MIS18BP1: variants seen among roughly 807,000 people sequenced by gnomAD.
MIS18BP1 encodes MIS18 binding protein 1.
Under a neutral mutation model 116.1 loss-of-function variants are expected in MIS18BP1, and 72 were observed. The ratio of observed to expected loss-of-function variants is 0.62; its 90% CI spans 0.51 to 0.75. The LOEUF is 0.75. Among genes scored for constraint, MIS18BP1 ranks in the 30% least tolerant of loss-of-function variants. The probability of loss-of-function intolerance (pLI) is 0.00; values close to 1 mark genes in which losing one functional copy is unlikely to be tolerated. For missense variants in MIS18BP1, 1,363 were observed against 1,303.2 expected (o/e 1.05, Z -0.71); for synonymous variants, 386 against 427.0 (o/e 0.90, Z 1.18).
chr14:45,219,180 C>A (rs1890905509), intron 11 of MIS18BP1, among the ~76,000 whole-genome samples: 1 of 152,186 alleles, frequency 6.6e-6, no homozygotes, highest in African/African-American at 2.4e-5. Flanking sequence ...GTGATATTAA[C>A]AATGTCATTT....
rs377614528 is a variant in MIS18BP1 at position 45,214,782 on chromosome 14, G to A, written c.3003+2237C>T. Among the ~76,000 whole-genome samples, 18 of 152,078 alleles carry A rather than the reference G, an allele frequency of 1.2e-4. No individual in the cohort carries two copies. In the East Asian group the frequency reaches 1.7e-3, roughly 15 times the overall value. ...TTTTATTTTTTTGAGATGGAGTTTC[G>A]CTCTTGTTGCCCAGGCTGGAGTGCA... is the stretch of plus-strand genomic sequence containing the variant. On this transcript the variant is annotated intron_variant, in intron 13 of 16. Coordinates refer to ENST00000310806, the MANE Select transcript of MIS18BP1 (RefSeq NM_018353.5).
chr14:45,242,417 T>C lies in MIS18BP1; in HGVS notation c.760A>G (p.Lys254Glu), dbSNP rs750839775. Reference sequence around the variant, plus strand: ...TTAGTGGTTGCAACTATACTCTCCTTTGAGTGAAAAATTTGTTTAGCCAAC... The same window carrying C: ...TTAGTGGTTGCAACTATACTCTCCTCTGAGTGAAAAATTTGTTTAGCCAAC... ...AQLAKQIFHS[K>E]ESIVATTKSK... Residue 254 changes from lysine to glutamate, a missense_variant, in exon 4 of 17, where the codon AAG (lysine) becomes GAG (glutamate). Physicochemically the swap from Lys to Glu is moderately conservative, Grantham distance 56 (BLOSUM62 1). Coordinates refer to ENST00000310806, the MANE Select transcript of MIS18BP1 (RefSeq NM_018353.5). 1.2e-6 allele frequency: 2 copies of C among 1,613,910 alleles called. No homozygotes were observed. Among genetic ancestry groups the C allele is most frequent in the South Asian group, 1.1e-5 (1 of 91,012 alleles).
At chr14:45,220,562 C>G (rs1156901139) in intron 11 of MIS18BP1, among the ~76,000 whole-genome samples, 2 of 152,054 alleles carry the variant, frequency 1.3e-5, no homozygotes, top group Non-Finnish European at 2.9e-5. Flanking sequence ...GCACACTTTT[C>G]CAGAATGTCA....
intron 11 of MIS18BP1, among the ~76,000 whole-genome samples, chr14:45,221,307 G>C (rs1890967758): frequency 6.6e-6 from 1 of 150,480 alleles, no homozygotes; most frequent in African/African-American, 2.4e-5. Flanking sequence ...CGTGGTCGCG[G>C]GCGCCTGTAG....
At chr14:45,239,055 T>C (rs1891504110) in intron 4 of MIS18BP1, among the ~76,000 whole-genome samples, 1 of 152,188 alleles carries the variant, frequency 6.6e-6, no homozygotes, top group Admixed American at 6.5e-5. Context: ...ACCTGAGATA[T>C]ATCAACGCAC....
At chr14:45,233,899 G>C (rs1381152602) in intron 6 of MIS18BP1, among the ~76,000 whole-genome samples, 1 of 152,074 alleles carries the variant, frequency 6.6e-6, no homozygotes, top group African/African-American at 2.4e-5. Context: ...CTTGGTTTGA[G>C]ATATAAAATT....
intron 4 of MIS18BP1, chr14:45,241,717 GA>G (rs1566820012): frequency 9.4e-6 from 2 of 211,876 alleles, no homozygotes; most frequent in Non-Finnish European, 1.9e-5. Flanking sequence ...GTAAGTATCA[GA>G]AAAAAAAGAG....
intron 4 of MIS18BP1, among the ~76,000 whole-genome samples, chr14:45,241,272 C>T (rs1233696785): frequency 1.3e-5 from 2 of 152,160 alleles, no homozygotes; most frequent in African/African-American, 2.4e-5. Flanking sequence ...GAGTCAGAGA[C>T]CAGCTTGGCC....
At chr14:45,250,861 AC>A (rs775757720) in intron 1 of MIS18BP1, among the ~76,000 whole-genome samples, 2 of 151,848 alleles carry the variant, frequency 1.3e-5, no homozygotes, top group South Asian at 2.1e-4. Flanking sequence ...CACGGTGAAA[AC>A]CGGTCTCTAC....
Position 45,212,359 on chromosome 14 carries a change from G to T in MIS18BP1, c.3004-1831C>A, listed in dbSNP as rs544322084. ...CCATAAACACCGTTAGCTTCCTCCA[G>T]CTGGAAATAGCTAACCTTGACTGGT... On this transcript the variant is annotated intron_variant, in intron 13 of 16. Transcript: ENST00000310806. Among the ~76,000 whole-genome samples, 7 of 152,136 alleles carry T rather than the reference G, an allele frequency of 4.6e-5. No individual in the cohort carries two copies. In the South Asian group the frequency reaches 1.4e-3, roughly 32 times the overall value.
At chr14:45,235,613 A>C (rs1397584703) in intron 6 of MIS18BP1, among the ~76,000 whole-genome samples, 3 of 151,912 alleles carry the variant, frequency 2.0e-5, no homozygotes, top group African/African-American at 7.2e-5. Flanking sequence ...AAAAACAAAA[A>C]CACATAACTT....
Position 45,231,310 on chromosome 14 carries a change from ATTATT to A in MIS18BP1, c.1437-17_1437-13del, listed in dbSNP as rs1416323831. On this transcript the variant is annotated splice_polypyrimidine_tract_variant and intron_variant, in intron 7 of 16. Transcript: ENST00000310806. Reference sequence around the variant, plus strand: ...TCTTTTCACCAGCCCTTTAAAAACAATTATTTTATTTTTCCTTAATACTGATTCTC... The same window carrying A: ...TCTTTTCACCAGCCCTTTAAAAACAATTATTTTTCCTTAATACTGATTCTC... The A allele has an allele frequency of 5.7e-6, 9 of 1,565,998 alleles. No individual in the cohort carries two copies. The highest frequency in any genetic ancestry group is 7.8e-6 in the Non-Finnish European group (9 of 1,160,220).
rs947721905 is a variant in MIS18BP1, at chr14:45,203,984, C to A, written c.*125G>T. The stretch of plus-strand genomic sequence containing the variant: ...TTACTTTGAACACAAACATATGAAA[C>A]CTTCAAAAAAGTCCACATTTTCATA... On this transcript the variant is annotated 3_prime_UTR_variant, in exon 17 of 17. Transcript: ENST00000310806. 3.6e-6 allele frequency: 5 copies of A among 1,371,812 alleles called. No individual in the cohort carries two copies. The highest frequency in any genetic ancestry group is 1.5e-5 in the African/African-American group (1 of 66,852). The allele number at this position is 1,371,812 out of a possible 1,614,324, so 85.0% of individuals were successfully genotyped here. A position where few individuals can be genotyped will look rare whatever the true frequency, so the allele number is the denominator to read the frequency against.
At chr14:45,216,709 A>T (rs2139162552) in intron 13 of MIS18BP1, among the ~76,000 whole-genome samples, 1 of 152,352 alleles carries the variant, frequency 6.6e-6, no homozygotes, top group Non-Finnish European at 1.5e-5. Flanking sequence ...ACTACACAGT[A>T]TCTTTTATCA....
chr14:45,204,409 TGG>T lies in MIS18BP1; in HGVS notation c.3283_3284del (p.Pro1095IlefsTer2), dbSNP rs35267560. The T allele has an allele frequency of 6.2e-7, 1 of 1,607,106 alleles. No homozygotes were observed. Among genetic ancestry groups the T allele is most frequent in the African/African-American group, 1.3e-5 (1 of 74,460 alleles). On this transcript the variant is annotated frameshift_variant, in exon 16 of 17. Transcript: ENST00000310806. LOFTEE classifies it high-confidence loss of function. The part of the protein sequence containing the change: ...FSTPTPRRKT[P>X]FNTDLGENSG... The stretch of plus-strand genomic sequence containing the variant: ...CTGTAAGTGTATTACCTGTGTTAAA[TGG>T]GGTTTTCCTTCTTGGTGTTGGAGTT...
At chr14:45,245,133 A>G (rs1407724212) in intron 2 of MIS18BP1, among the ~76,000 whole-genome samples, 6 of 152,140 alleles carry the variant, frequency 3.9e-5, no homozygotes, top group African/African-American at 1.4e-4. Flanking sequence ...CCTTTCACGC[A>G]ATGTTTTCGT....
In MIS18BP1 at chr14:45,224,738, C is replaced by T; in HGVS notation, c.1849G>A (p.Glu617Lys). Residue 617 changes from glutamate (E) to lysine (K), a missense_variant, in exon 11 of 17, where the codon GAA becomes AAA. By Grantham distance (56) the Glu-to-Lys change is moderately conservative. Transcript: ENST00000310806. ...ATATCAATGGATACATCCAATTCTT[C>T]AGTTGTCTCTTTAATTTCATAAGAC... ...IIKSQKQETT[E>K]ELDVSIDILT... 6.4e-7 allele frequency: 1 copy of T among 1,561,582 alleles called. No homozygotes were observed. The highest frequency in any genetic ancestry group is 8.6e-7 in the Non-Finnish European group (1 of 1,160,702).
intron 6 of MIS18BP1, among the ~76,000 whole-genome samples, chr14:45,235,204 CT>C (rs1891390246): frequency 7.4e-6 from 1 of 134,730 alleles, no homozygotes; most frequent in African/African-American, 2.9e-5. Flanking sequence ...AAGACTCCAT[CT>C]CCAAAAAAAA....
intron 11 of MIS18BP1, among the ~76,000 whole-genome samples, 170 bp from the exon 12 acceptor site, chr14:45,218,624 T>G (rs1890889046): frequency 6.6e-6 from 1 of 151,744 alleles, no homozygotes; most frequent in Non-Finnish European, 1.5e-5. Context: ...CTCAATAACT[T>G]AACTCTAGTG....
Sources: gnomAD v4.1 joint callset for allele counts (sites outside exome capture counted in the v4.1 genomes callset) on GRCh38, gnomAD v4.1.1 for gene constraint, MANE v1.5 for transcripts, NCBI Gene and HGNC (gene_info 2026-07-23, HGNC 2026-07-21) for gene names.